Variants in GULP1 observed in about 807,000 individuals in gnomAD.
GULP1 encodes the protein PTB domain-containing engulfment adapter protein 1.
GULP1 carries 19 observed loss-of-function variants against 40.9 expected under a neutral mutation model. That is an observed-to-expected ratio of 0.46 (90% CI 0.32 to 0.68). The LOEUF is 0.68. GULP1 is among the 30% of genes least tolerant of loss of function. The pLI is 0.03. For synonymous variants in GULP1, 119 were observed against 117.6 expected (o/e 1.01, Z -0.08); for missense variants, 312 against 362.2 (o/e 0.86, Z 1.12).
intron 1 of GULP1, among the ~76,000 whole-genome samples, chr2:188,350,418 AT>A (rs149404716): frequency 1.3e-5 from 2 of 152,118 alleles, no homozygotes; most frequent in Non-Finnish European, 2.9e-5. Flanking sequence ...TTTTTGTTAC[AT>A]TTATTTTATG....
rs749502331 is a variant in GULP1, at chr2:188,529,202, C to CT, written c.261+16dup. The CT allele has an allele frequency of 1.8e-3, 2,214 of 1,215,658 alleles. 1 individual carries two copies. Among genetic ancestry groups the CT allele is most frequent in the Admixed American group, 3.0e-3 (137 of 45,996 alleles). 75.3% of individuals were successfully genotyped at this position (1,215,658 alleles called of 1,614,324 possible). A position where few individuals can be genotyped will look rare whatever the true frequency, so the allele number is the denominator to read the frequency against. On this transcript the variant is annotated splice_region_variant and intron_variant, in intron 6 of 11. Transcript: ENST00000409830. ...TCTAGAACCCAAAACAAAGGTAAGG[C>CT]TTTTTTTTTAATGTTAGAGGCAATC...
intron 5 of GULP1, among the ~76,000 whole-genome samples, chr2:188,524,425 T>G (rs941168617): frequency 2.6e-5 from 4 of 152,018 alleles, no homozygotes; most frequent in Admixed American, 1.3e-4. Context: ...AAATGCACAC[T>G]TATTTTATAG....
chr2:188,513,317 C>T (rs2064798590), intron 4 of GULP1, among the ~76,000 whole-genome samples: 1 of 151,898 alleles, frequency 6.6e-6, no homozygotes, highest in Non-Finnish European at 1.5e-5. Flanking sequence ...TCTAAATTTC[C>T]CATCTGTGTT....
intron 2 of GULP1, among the ~76,000 whole-genome samples, chr2:188,457,117 G>A (rs1183297382): frequency 6.6e-6 from 1 of 152,154 alleles, no homozygotes; most frequent in African/African-American, 2.4e-5. Context: ...ATAGGCAGAA[G>A]GGACTTGCCT....
intron 4 of GULP1, among the ~76,000 whole-genome samples, chr2:188,522,469 G>A (rs550599824): frequency 5.5e-4 from 84 of 151,852 alleles, no homozygotes; most frequent in African/African-American, 2.0e-3. Flanking sequence ...ATTCCCTTGG[G>A]CCTAATAAAA....
Position 188,564,479 on chromosome 2 carries a change from G to A in GULP1, c.400-4760G>A, listed in dbSNP as rs994750554. Among the ~76,000 whole-genome samples, 9 of 151,794 alleles carry A rather than the reference G, an allele frequency of 5.9e-5. No homozygotes were observed. In the East Asian group the frequency reaches 9.6e-4, roughly 16 times the overall value. The stretch of plus-strand genomic sequence containing the variant: ...AGAAAGAAAGAAAAATGTATTTACC[G>A]TAGCATCAGGAAACATGAAATAATG... On this transcript the variant is annotated intron_variant, in intron 7 of 11. Coordinates refer to ENST00000409830, the MANE Select transcript of GULP1 (RefSeq NM_016315.4).
chr2:188,388,472 G>A (rs932669167), intron 2 of GULP1, among the ~76,000 whole-genome samples: 2 of 151,968 alleles, frequency 1.3e-5, no homozygotes, highest in Non-Finnish European at 2.9e-5. Flanking sequence ...GAGTCCAGGA[G>A]GTGAAGGTCA....
chr2:188,484,945 G>A (rs1026018128), intron 4 of GULP1, among the ~76,000 whole-genome samples: 7 of 152,052 alleles, frequency 4.6e-5, no homozygotes, highest in African/African-American at 1.7e-4. Context: ...AGCATGAAAA[G>A]TTTAGTTAAC....
At chr2:188,529,227 C>A in intron 6 of GULP1, 32 bp downstream of exon 6, 3 of 1,001,928 alleles carry the variant, frequency 3.0e-6, no homozygotes, top group East Asian at 2.4e-5. Flanking sequence ...TAGAGGCAAT[C>A]TTTAATTAAT....
At chr2:188,489,525 A>G (rs562788026) in intron 4 of GULP1, among the ~76,000 whole-genome samples, 8 of 152,162 alleles carry the variant, frequency 5.3e-5, no homozygotes, top group African/African-American at 1.9e-4. Context: ...TAATAATGCT[A>G]ATATATATCA....
chr2:188,563,094 T>C (rs1255714651), intron 7 of GULP1, among the ~76,000 whole-genome samples: 8 of 152,036 alleles, frequency 5.3e-5, no homozygotes, highest in African/African-American at 1.9e-4. Flanking sequence ...ATCATTTTAG[T>C]CCTGACATAA....
chr2:188,563,354 C>A (rs1696796073), intron 7 of GULP1, among the ~76,000 whole-genome samples: 1 of 151,008 alleles, frequency 6.6e-6, no homozygotes, highest in Non-Finnish European at 1.5e-5. Flanking sequence ...TAAAAGGATA[C>A]AAAGATAAAT....
chr2:188,580,563 A>G (rs1250334181), intron 9 of GULP1, among the ~76,000 whole-genome samples: 2 of 152,028 alleles, frequency 1.3e-5, no homozygotes, highest in Non-Finnish European at 2.9e-5. Context: ...AAAAAAAAAA[A>G]AAAAATGGAG....
chr2:188,440,349 A>G (rs992499506), intron 2 of GULP1, among the ~76,000 whole-genome samples: 3 of 152,194 alleles, frequency 2.0e-5, no homozygotes, highest in African/African-American at 7.2e-5. Flanking sequence ...GGTTGTCTAA[A>G]ACATACCTAT....
chr2:188,474,233 C>T (rs996659457), intron 2 of GULP1, among the ~76,000 whole-genome samples: 1 of 152,134 alleles, frequency 6.6e-6, no homozygotes, highest in Non-Finnish European at 1.5e-5. Context: ...AGCTTAATTG[C>T]CTCAGCTTGT....
At chr2:188,421,449 A>G (rs972668350) in intron 2 of GULP1, among the ~76,000 whole-genome samples, 1 of 152,118 alleles carries the variant, frequency 6.6e-6, no homozygotes, top group African/African-American at 2.4e-5. Flanking sequence ...TTTTCTTTTA[A>G]AGCGGTTTTT....
At chr2:188,581,372 G>C (rs748688935) in intron 9 of GULP1, among the ~76,000 whole-genome samples, 22 of 152,174 alleles carry the variant, frequency 1.4e-4, no homozygotes, top group Non-Finnish European at 2.5e-4. Flanking sequence ...CCTTGCTCAA[G>C]TGCCATTCCT....
chr2:188,551,195 G>C (rs993116794), intron 7 of GULP1, among the ~76,000 whole-genome samples: 2 of 151,466 alleles, frequency 1.3e-5, no homozygotes, highest in Admixed American at 6.6e-5. Context: ...CATTTAGGGA[G>C]GGCATCACCT....
intron 2 of GULP1, among the ~76,000 whole-genome samples, chr2:188,421,077 G>A (rs1001735298): frequency 5.3e-5 from 8 of 151,960 alleles, no homozygotes; most frequent in African/African-American, 1.9e-4. Flanking sequence ...GCAAGAAAAA[G>A]AAATAAAGGC....
Sources: gnomAD v4.1 joint callset for allele counts (sites outside exome capture counted in the v4.1 genomes callset) on GRCh38, gnomAD v4.1.1 for gene constraint, MANE v1.5 for transcripts, NCBI Gene and HGNC (gene_info 2026-07-23, HGNC 2026-07-21) for gene names.